NPRL3: variants seen among roughly 807,000 people sequenced by gnomAD.
NPRL3 encodes the protein GATOR1 complex protein NPRL3.
A neutral mutation model predicts 57.2 loss-of-function variants in NPRL3; 23 were observed. The observed-to-expected ratio is 0.40, with a 90% CI of 0.29 to 0.57. The LOEUF (loss-of-function observed/expected upper bound fraction) is 0.57, where lower values mean the gene tolerates loss of function less well. Among genes scored for constraint, NPRL3 ranks in the 20% least tolerant of loss-of-function variants. The pLI is 0.42. For missense variants in NPRL3, 691 were observed against 767.1 expected (o/e 0.90, Z 1.17); for synonymous variants, 333 against 321.1 (o/e 1.04, Z -0.39).
intron 3 of NPRL3, among the ~76,000 whole-genome samples, chr16:127,868 A>G (rs924672227): frequency 6.6e-6 from 1 of 150,778 alleles, no homozygotes; most frequent in Non-Finnish European, 1.5e-5. Flanking sequence ...GTTAGCCAGG[A>G]TGAGTCTCGA....
chr16:132,551 A>G (rs989946501), intron 2 of NPRL3, among the ~76,000 whole-genome samples: 4 of 152,142 alleles, frequency 2.6e-5, no homozygotes, highest in African/African-American at 7.2e-5. Context: ...ATGATCACCA[A>G]TGTTCTTAAT....
At chr16:92,427 T>G (rs555742936) in intron 11 of NPRL3, among the ~76,000 whole-genome samples, 169 bp downstream of exon 11, 66 of 152,312 alleles carry the variant, frequency 4.3e-4, no homozygotes, top group African/African-American at 1.5e-3. Flanking sequence ...GCCCGGCAGC[T>G]GACTTTTGGG....
chr16:132,008 C>CTTTTTTT (rs61664945), intron 2 of NPRL3, among the ~76,000 whole-genome samples: 2 of 144,952 alleles, frequency 1.4e-5, no homozygotes, highest in African/African-American at 5.2e-5. Context: ...TTCTTTCTTT[C>CTTTTTTT]TTTTTTTTTT....
At chr16:89,011 A>G in intron 12 of NPRL3, 121 bp from the exon 13 acceptor site, 1 of 863,864 alleles carries the variant, frequency 1.2e-6, no homozygotes, top group Non-Finnish European at 1.8e-6. Context: ...GTTAGGGTAC[A>G]TCTGCCTGCA....
intron 5 of NPRL3, among the ~76,000 whole-genome samples, chr16:115,509 G>A (rs1899992550): frequency 8.3e-6 from 1 of 120,864 alleles, no homozygotes; most frequent in East Asian, 2.1e-4. Context: ...TTTTGAGCTG[G>A]AGTTTCGCTC....
chr16:117,900 G>A lies in NPRL3; in HGVS notation c.319-525C>T, dbSNP rs191581919. On this transcript the variant is annotated intron_variant, in intron 4 of 13. Coordinates refer to ENST00000611875, the MANE Select transcript of NPRL3 (RefSeq NM_001077350.3). ...AAGGGAAGCATTCCAAGGGGCACGG[G>A]GGAACTCTTCAAAGCCAACTACAAG... Among the ~76,000 whole-genome samples, 6 of 152,326 alleles carry A rather than the reference G, an allele frequency of 3.9e-5. No homozygotes were observed. In the East Asian group the frequency reaches 1.2e-3, roughly 29 times the overall value.
chr16:91,185 CT>C (rs2141904997), intron 11 of NPRL3: 1 of 152,142 alleles, frequency 6.6e-6, no homozygotes, highest in South Asian at 2.1e-4. Context: ...AGAGACCACC[CT>C]GGTCAACACG....
chr16:100,896 A>G (rs976260989), intron 7 of NPRL3, among the ~76,000 whole-genome samples: 2 of 131,612 alleles, frequency 1.5e-5, no homozygotes, highest in Non-Finnish European at 3.1e-5. Context: ...ACTTGAACCC[A>G]GGAGGTGGAG....
At chr16:110,482 G>A in intron 7 of NPRL3, 43 bp downstream of exon 7, 2 of 1,519,070 alleles carry the variant, frequency 1.3e-6, no homozygotes, top group Non-Finnish European at 1.8e-6. Context: ...CAGGCAGGCT[G>A]GCCCATAAGA....
At chr16:91,247 C>G (rs191335580) in intron 11 of NPRL3, 1 of 151,866 alleles carries the variant, frequency 6.6e-6, no homozygotes, top group Non-Finnish European at 1.5e-5. Flanking sequence ...GGCGTGGTGG[C>G]GGGCACCTGT....
Position 123,831 on chromosome 16 carries a change from C to G in NPRL3, c.189-4576G>C, listed in dbSNP as rs1189845551. ...ATCACACACTCCCCACGCTGAGAAACAGGATCACACACTCCCCACGCTGAG... is the reference window on the plus strand; with the variant it reads ...ATCACACACTCCCCACGCTGAGAAAGAGGATCACACACTCCCCACGCTGAG... On this transcript the variant is annotated intron_variant, in intron 3 of 13. Coordinates refer to ENST00000611875, the MANE Select transcript of NPRL3 (RefSeq NM_001077350.3). 2.2e-5 allele frequency among the ~76,000 whole-genome samples: 3 copies of G among 138,916 alleles called. No homozygotes were observed. In the East Asian group the frequency reaches 6.8e-4, roughly 32 times the overall value. 91.1% of individuals were successfully genotyped at this position (138,916 alleles called of 152,430 possible). A position where few individuals can be genotyped will look rare whatever the true frequency, so the allele number is the denominator to read the frequency against.
At position 93,456 on chromosome 16, in the gene NPRL3, C is replaced by T. The variant is rs549685321; in HGVS notation, c.925-131G>A. 23 of 659,416 alleles carry T rather than the reference C, an allele frequency of 3.5e-5. No individual in the cohort carries two copies. In the East Asian group the frequency reaches 5.4e-4, roughly 16 times the overall value. The allele number at this position is 659,416 out of a possible 1,614,324, so 40.8% of individuals were successfully genotyped here. A position where few individuals can be genotyped will look rare whatever the true frequency, so the allele number is the denominator to read the frequency against. On this transcript the variant is annotated intron_variant, in intron 9 of 13. Coordinates refer to ENST00000611875, the MANE Select transcript of NPRL3 (RefSeq NM_001077350.3). ...TGGCCCCAGCCTCATGCAGAACACA[C>T]CTGGTGGCTATGGCCCGAGACTTCC...
intron 2 of NPRL3, among the ~76,000 whole-genome samples, chr16:135,897 A>G (rs74640932): frequency 0.016 from 2,423 of 152,294 alleles, 53 homozygotes; most frequent in East Asian, 0.069. Flanking sequence ...CCAAGAGAAC[A>G]TTAGGCAAAG....
intron 13 of NPRL3, among the ~76,000 whole-genome samples, chr16:88,371 G>C (rs1013174490): frequency 1.7e-4 from 23 of 138,372 alleles, no homozygotes; most frequent in African/African-American, 6.6e-4. Flanking sequence ...CTGGGTGACA[G>C]AGCGAGACTC....
chr16:114,542 A>C (rs1472159534), intron 5 of NPRL3, among the ~76,000 whole-genome samples: 4 of 152,222 alleles, frequency 2.6e-5, no homozygotes, highest in African/African-American at 9.6e-5. Context: ...CAATGAGATT[A>C]ATCCAAATGT....
intron 11 of NPRL3, 53 bp downstream of exon 11, chr16:92,543 G>A: frequency 1.3e-6 from 2 of 1,589,380 alleles, no homozygotes; most frequent in South Asian, 1.1e-5. Flanking sequence ...GGCAGGTAGT[G>A]CCTATCCACT....
chr16:86,975 A>C, intron 13 of NPRL3, 105 bp from the exon 14 acceptor site: 2 of 1,208,264 alleles, frequency 1.7e-6, no homozygotes, highest in Non-Finnish European at 2.3e-6. Flanking sequence ...ACAGGCCTGA[A>C]CAGAGCTGGT....
chr16:112,552 C>A, intron 6 of NPRL3, 70 bp downstream of exon 6: 5 of 1,359,294 alleles, frequency 3.7e-6, no homozygotes, highest in Non-Finnish European at 4.8e-6. Context: ...AGCCCCTCCA[C>A]AGAGGTCTGC....
At chr16:93,625 C>A (rs1486064135) in intron 9 of NPRL3, among the ~76,000 whole-genome samples, 1 of 148,372 alleles carries the variant, frequency 6.7e-6, no homozygotes, top group African/African-American at 2.5e-5. Flanking sequence ...AGTGCAGTGG[C>A]ACAATCTCAG....
Sources: allele counts gnomAD v4.1 joint callset (sites outside exome capture counted in the v4.1 genomes callset), GRCh38; gene constraint gnomAD v4.1.1; transcripts MANE v1.5; gene names NCBI Gene and HGNC (gene_info 2026-07-23, HGNC 2026-07-21).